ETS1: variants seen among roughly 807,000 people sequenced by gnomAD.
ETS1 encodes protein C-ets-1.
A neutral mutation model predicts 58.6 loss-of-function variants in ETS1; 15 were observed. That is an observed-to-expected ratio of 0.26 (90% CI 0.17 to 0.39). The LOEUF is 0.39. ETS1 is among the 10% of genes least tolerant of loss of function. ETS1 has a pLI of 1.00. For synonymous variants in ETS1, 214 were observed against 218.2 expected (o/e 0.98, Z 0.17); for missense variants, 417 against 610.5 (o/e 0.68, Z 3.34).
At position 128,549,380 on chromosome 11, in the gene ETS1, C is replaced by T. The variant is rs1293312954; in HGVS notation, c.214+6911G>A. 1.3e-5 allele frequency among the ~76,000 whole-genome samples: 2 copies of T among 152,126 alleles called. No homozygotes were observed. Among genetic ancestry groups the T allele is most frequent in the African/African-American group, 4.8e-5 (2 of 41,422 alleles). On this transcript the variant is annotated intron_variant, in intron 3 of 9. Transcript: ENST00000392668. The surrounding 1 kb of genome is among the most constrained non-coding windows in gnomAD (Gnocchi z 4.3). ...GGCCGGAGCCGAGCGGGGCCTGACG[C>T]CAGCCGGCGGCGTCCACCGTCCCAC...
chr11:128,536,859 T>G (rs1863979942), intron 3 of ETS1: 1 of 152,250 alleles, frequency 6.6e-6, no homozygotes, highest in African/African-American at 2.4e-5. Flanking sequence ...TGGGTCATTT[T>G]AAATTTTTTA....
At chr11:128,484,774 A>C (rs1485451019) in intron 7 of ETS1, 49 bp downstream of exon 7, 25 of 1,551,644 alleles carry the variant, frequency 1.6e-5, no homozygotes, top group Non-Finnish European at 2.0e-5. Flanking sequence ...TCACAAAGTC[A>C]GGTAATTCTT....
intron 1 of ETS1, among the ~76,000 whole-genome samples, chr11:128,576,058 T>C (rs1490162587): frequency 6.6e-6 from 1 of 152,250 alleles, no homozygotes; most frequent in East Asian, 1.9e-4. Flanking sequence ...TGGTGCACTC[T>C]GTGCTGGACT....
chr11:128,573,205 C>T, intron 1 of ETS1, 61 bp from the exon 2 acceptor site: 1 of 1,182,078 alleles, frequency 8.5e-7, no homozygotes, highest in Non-Finnish European at 1.2e-6. Flanking sequence ...GATTAGAATA[C>T]ACAAGGAAGA....
Position 128,491,770 on chromosome 11 carries a change from T to C in ETS1, c.215-1194A>G, listed in dbSNP as rs953325753. On this transcript the variant is annotated intron_variant, in intron 3 of 9. Transcript: ENST00000392668. ...GCAGATAACATAAGTGAACATGACT[T>C]CAAGTCAACTTGAAGTGCATACAGG... Among the ~76,000 whole-genome samples the C allele has an allele frequency of 3.9e-5, 6 of 152,310 alleles. No homozygotes were observed. The East Asian group carries it at 1.2e-3, about 29-fold the overall frequency.
At chr11:128,532,117 C>G (rs1288764152) in intron 3 of ETS1, among the ~76,000 whole-genome samples, 5 of 152,190 alleles carry the variant, frequency 3.3e-5, no homozygotes, top group Admixed American at 6.5e-5. Context: ...AAACCTCTAT[C>G]TATCTCTAAT....
intron 7 of ETS1, 67 bp downstream of exon 7, chr11:128,484,755 GA>G (rs1329786292): frequency 1.3e-6 from 2 of 1,485,794 alleles, no homozygotes; most frequent in Non-Finnish European, 9.1e-7. Flanking sequence ...AATGGAACCT[GA>G]AAAAAACTCA....
intron 3 of ETS1, among the ~76,000 whole-genome samples, chr11:128,547,243 G>A (rs946552299): frequency 6.6e-5 from 10 of 152,180 alleles, no homozygotes; most frequent in Non-Finnish European, 1.0e-4. Flanking sequence ...GCTAAGTGCC[G>A]CAGGAAGGTA....
intron 8 of ETS1, among the ~76,000 whole-genome samples, chr11:128,472,354 T>G (rs993716550): frequency 1.3e-5 from 2 of 152,142 alleles, no homozygotes; most frequent in African/African-American, 4.8e-5. Flanking sequence ...TCTCATTATC[T>G]CTCAGGGAGA....
chr11:128,490,324 T>C, intron 4 of ETS1, 133 bp downstream of exon 4: 1 of 847,982 alleles, frequency 1.2e-6, no homozygotes, highest in Non-Finnish European at 1.9e-6. Flanking sequence ...TCCTAACAGA[T>C]GGCAGCCATG....
chr11:128,467,922 G>A (rs1173750756), intron 8 of ETS1, among the ~76,000 whole-genome samples: 2 of 152,008 alleles, frequency 1.3e-5, no homozygotes, highest in African/African-American at 2.4e-5. Context: ...CCCATGGCAC[G>A]GAGCCTCCAC....
At chr11:128,526,124 A>G (rs1488191579) in intron 3 of ETS1, 1 of 68,494 alleles carries the variant, frequency 1.5e-5, no homozygotes, top group Non-Finnish European at 2.7e-5. Context: ...ATAAACAATG[A>G]GGGTAGGAGG....
At chr11:128,546,578 G>T (rs1864135853) in intron 3 of ETS1, among the ~76,000 whole-genome samples, 2 of 152,150 alleles carry the variant, frequency 1.3e-5, no homozygotes, top group Admixed American at 1.3e-4. Flanking sequence ...GTAAATAGTT[G>T]TTATACTGTA....
intron 8 of ETS1, among the ~76,000 whole-genome samples, chr11:128,474,973 G>A (rs1862283497): frequency 6.6e-6 from 1 of 152,252 alleles, no homozygotes; most frequent in South Asian, 2.1e-4. Flanking sequence ...TCAGTGAAAT[G>A]CCCTAACTTC....
At chr11:128,513,693 A>G (rs1863448532) in intron 3 of ETS1, among the ~76,000 whole-genome samples, 1 of 152,244 alleles carries the variant, frequency 6.6e-6, no homozygotes, top group Non-Finnish European at 1.5e-5. Flanking sequence ...AGAAGTACAA[A>G]AGTCGGTTAC....
intron 2 of ETS1, 97 bp from the exon 3 acceptor site, chr11:128,556,532 G>T: frequency 1.3e-6 from 1 of 781,334 alleles, no homozygotes; most frequent in Non-Finnish European, 2.0e-6. Flanking sequence ...TCACATGTAA[G>T]TAAGAATCAT....
intron 3 of ETS1, among the ~76,000 whole-genome samples, chr11:128,500,488 A>G (rs1161997800): frequency 2.0e-5 from 3 of 151,960 alleles, no homozygotes; most frequent in Non-Finnish European, 4.4e-5. Context: ...GTCTTCAAAA[A>G]CTTCTTAGAG....
chr11:128,563,075 A>G (rs1341938554), intron 2 of ETS1, among the ~76,000 whole-genome samples: 1 of 151,996 alleles, frequency 6.6e-6, no homozygotes, highest in African/African-American at 2.4e-5. Context: ...TTCTGTCTTT[A>G]GCAGAACAGT....
intron 3 of ETS1, chr11:128,497,673 A>G: frequency 2.8e-6 from 2 of 704,562 alleles, no homozygotes; most frequent in Non-Finnish European, 3.5e-6. Flanking sequence ...CGGAGTTCAG[A>G]CCTGCCAGAC....
Sources: allele counts gnomAD v4.1 joint callset (sites outside exome capture counted in the v4.1 genomes callset), GRCh38; gene constraint gnomAD v4.1.1; non-coding constraint Gnocchi (gnomAD v3.1); transcripts MANE v1.5; gene names NCBI Gene and HGNC (gene_info 2026-07-23, HGNC 2026-07-21).